Variants in NRG3 observed in about 807,000 individuals in gnomAD.
NRG3 encodes pro-neuregulin-3, membrane-bound isoform.
Under a neutral mutation model 66.9 loss-of-function variants are expected in NRG3, and 31 were observed. The ratio of observed to expected loss-of-function variants is 0.46; its 90% CI spans 0.35 to 0.63. NRG3 has a LOEUF of 0.63. Among genes scored for constraint, NRG3 ranks in the 20% least tolerant of loss-of-function variants. NRG3 has a pLI of 0.00. For synonymous variants in NRG3, 393 were observed against 359.4 expected, an observed-to-expected ratio of 1.09 and a Z score of -1.06; for missense variants, 910 against 878.9, an observed-to-expected ratio of 1.04 and a Z score of -0.45.
At position 82,168,679 on chromosome 10, in the gene NRG3, G is replaced by A. The variant is rs370422438; in HGVS notation, c.824-190060G>A. Among the ~76,000 whole-genome samples, 668 of 152,218 alleles carry A rather than the reference G, an allele frequency of 4.4e-3. 4 individuals are homozygous for A. Among genetic ancestry groups the A allele is most frequent in the African/African-American group, 0.011 (472 of 41,544 alleles). On this transcript the variant is annotated intron_variant, in intron 1 of 8. Transcript: ENST00000372141. Reference sequence around the variant, plus strand: ...AATTACCCTCCCATCTGTTTCCATAGTGGTGCAAGGTAATTAACCCAGCAG... The same window carrying A: ...AATTACCCTCCCATCTGTTTCCATAATGGTGCAAGGTAATTAACCCAGCAG...
intron 2 of NRG3, among the ~76,000 whole-genome samples, chr10:82,721,232 C>T (rs551154792): frequency 4.1e-4 from 59 of 144,222 alleles, no homozygotes; most frequent in Non-Finnish European, 6.6e-4. Context: ...CCCAGGTTCA[C>T]GCCATTCGTC....
intron 3 of NRG3, among the ~76,000 whole-genome samples, chr10:82,843,736 A>C (rs1453023196): frequency 6.6e-6 from 1 of 152,160 alleles, no homozygotes; most frequent in Non-Finnish European, 1.5e-5. Flanking sequence ...AAGGGATACT[A>C]ATCAAATGCA....
chr10:81,910,098 C>G (rs534192463), intron 1 of NRG3, among the ~76,000 whole-genome samples: 2 of 152,120 alleles, frequency 1.3e-5, no homozygotes, highest in Admixed American at 6.5e-5. Context: ...ATTGTTTCAG[C>G]CAGAGGGTTT....
At chr10:82,951,078 A>G (rs1029468232) in intron 4 of NRG3, among the ~76,000 whole-genome samples, 1 of 152,220 alleles carries the variant, frequency 6.6e-6, no homozygotes, top group African/African-American at 2.4e-5. Context: ...CACAGAAGGT[A>G]AATTAGAAGG....
intron 2 of NRG3, among the ~76,000 whole-genome samples, chr10:82,709,921 A>G (rs929312435): frequency 2.6e-5 from 4 of 152,160 alleles, no homozygotes; most frequent in Non-Finnish European, 5.9e-5. Context: ...GTTTTCCTTT[A>G]TATTTTAACC....
chr10:82,272,482 T>A (rs767850208), intron 1 of NRG3, among the ~76,000 whole-genome samples: 5 of 152,050 alleles, frequency 3.3e-5, no homozygotes, highest in Non-Finnish European at 7.4e-5. Flanking sequence ...TTTCCAAGTG[T>A]ACATGAACAC....
At chr10:82,572,962 G>A (rs1412587192) in intron 2 of NRG3, among the ~76,000 whole-genome samples, 1 of 151,778 alleles carries the variant, frequency 6.6e-6, no homozygotes, top group African/African-American at 2.4e-5. Flanking sequence ...CTCAAGCAGG[G>A]CTGGAGGCAG....
At chr10:82,722,472 T>G (rs2057370854) in intron 2 of NRG3, among the ~76,000 whole-genome samples, 1 of 152,174 alleles carries the variant, frequency 6.6e-6, no homozygotes, top group Non-Finnish European at 1.5e-5. Flanking sequence ...ATTTGATCCA[T>G]CTTATATTGC....
intron 2 of NRG3, among the ~76,000 whole-genome samples, chr10:82,560,736 T>G (rs1018536793): frequency 6.6e-5 from 10 of 151,414 alleles, no homozygotes; most frequent in Non-Finnish European, 1.5e-4. Context: ...TTTTAAAAGT[T>G]GTAAGTTTTT....
intron 3 of NRG3, among the ~76,000 whole-genome samples, chr10:82,844,321 A>G (rs2063206336): frequency 6.6e-6 from 1 of 152,172 alleles, no homozygotes. Flanking sequence ...TGCACTCTCT[A>G]TTAATCCAAA....
chr10:81,956,312 T>C (rs1849824626), intron 1 of NRG3, among the ~76,000 whole-genome samples: 1 of 152,230 alleles, frequency 6.6e-6, no homozygotes, highest in South Asian at 2.1e-4. Context: ...AGGAACCACA[T>C]GGAAAGGCCA....
intron 1 of NRG3, among the ~76,000 whole-genome samples, chr10:82,100,331 T>C (rs1350256245): frequency 6.6e-6 from 1 of 152,110 alleles, no homozygotes; most frequent in Non-Finnish European, 1.5e-5. Flanking sequence ...ATAGGAACAA[T>C]GTTCTTTCTA....
At chr10:82,857,841 G>A (rs2063894756) in intron 3 of NRG3, among the ~76,000 whole-genome samples, 1 of 152,190 alleles carries the variant, frequency 6.6e-6, no homozygotes, top group Admixed American at 6.5e-5. Context: ...GGAGCATGAA[G>A]TTTAGAATCA....
intron 1 of NRG3, among the ~76,000 whole-genome samples, chr10:82,273,985 T>G (rs971616972): frequency 2.6e-5 from 4 of 151,958 alleles, no homozygotes; most frequent in African/African-American, 9.7e-5. Context: ...ATGCTTCTAT[T>G]TGGAAGAGGG....
At chr10:81,893,785 G>C (rs567717910) in intron 1 of NRG3, among the ~76,000 whole-genome samples, 3 of 152,158 alleles carry the variant, frequency 2.0e-5, no homozygotes, top group Non-Finnish European at 4.4e-5. Context: ...AGCCTGTTCT[G>C]TCTTCATGGG....
intron 1 of NRG3, among the ~76,000 whole-genome samples, chr10:82,222,012 A>G (rs1034455122): frequency 5.3e-5 from 8 of 151,384 alleles, no homozygotes; most frequent in African/African-American, 1.9e-4. Flanking sequence ...CTGACATGAC[A>G]TTGCTCACCC....
At chr10:82,312,213 C>A (rs1430397351) in intron 1 of NRG3, among the ~76,000 whole-genome samples, 2 of 151,982 alleles carry the variant, frequency 1.3e-5, no homozygotes. Context: ...AGGAAACGAT[C>A]AAAAGAAAGG....
chr10:82,541,666 C>T (rs912100178), intron 2 of NRG3, among the ~76,000 whole-genome samples: 6 of 152,144 alleles, frequency 3.9e-5, no homozygotes, highest in African/African-American at 1.2e-4. Context: ...GGAGTGGCTC[C>T]GGGCTGTCTG....
At chr10:82,082,323 G>A (rs929202847) in intron 1 of NRG3, among the ~76,000 whole-genome samples, 6 of 152,122 alleles carry the variant, frequency 3.9e-5, no homozygotes, top group African/African-American at 9.7e-5. Flanking sequence ...CTATTGCACC[G>A]TAATCTCTAA....
Sources: allele counts gnomAD v4.1 joint callset (sites outside exome capture counted in the v4.1 genomes callset), GRCh38; gene constraint gnomAD v4.1.1; transcripts MANE v1.5; gene names NCBI Gene and HGNC (gene_info 2026-07-23, HGNC 2026-07-21).